PANK3: variants seen among roughly 807,000 people sequenced by gnomAD.
PANK3 encodes the protein hPanK3.
PANK3 carries 20 observed loss-of-function variants against 39.4 expected under a neutral mutation model. That is an observed-to-expected ratio of 0.51 (90% confidence interval 0.36 to 0.74). PANK3 has a LOEUF of 0.74. Among genes scored for constraint, PANK3 ranks in the 30% least tolerant of loss-of-function variants. PANK3 has a pLI of 0.00. For synonymous variants in PANK3, 140 were observed against 157.3 expected, an observed-to-expected ratio of 0.89 and a Z score of 0.82; for missense variants, 265 against 437.0, an observed-to-expected ratio of 0.61 and a Z score of 3.51.
chr5:168,562,361 A>G (rs1344055385), intron 4 of PANK3, among the ~76,000 whole-genome samples: 1 of 152,206 alleles, frequency 6.6e-6, no homozygotes, highest in Non-Finnish European at 1.5e-5. Context: ...GAGAAGAAAA[A>G]TCTTAGGCAG....
intron 1 of PANK3, among the ~76,000 whole-genome samples, chr5:168,577,222 T>C (rs1034911020): frequency 1.3e-5 from 2 of 152,118 alleles, no homozygotes; most frequent in East Asian, 1.9e-4. Flanking sequence ...AAATACCTTC[T>C]TTCCCACACA....
In PANK3 at chr5:168,568,703, C is replaced by T. The variant is rs759836686; in HGVS notation, c.324G>A (p.Gln108=). The T allele has an allele frequency of 5.0e-6, 8 of 1,614,110 alleles. No individual in the cohort carries two copies. In the South Asian group the frequency reaches 8.8e-5, roughly 18 times the overall value. The change falls in exon 2 of 7, where the codon CAG becomes CAA. Residue 108 remains glutamine, a synonymous_variant. Transcript: ENST00000239231. ...CACCTCCTGTAGCACATAGCACCGT[C>T]TGCAATGTTGAGAAGTTTTTATCTC... ...MGRDKNFSTL[Q]TVLCATGGGA...
chr5:168,564,190 T>G, intron 3 of PANK3, 125 bp from the exon 4 acceptor site: 1 of 804,914 alleles, frequency 1.2e-6, no homozygotes, highest in Non-Finnish European at 1.8e-6. Flanking sequence ...TAATGCTGAG[T>G]GCTGAAATAA....
intron 1 of PANK3, among the ~76,000 whole-genome samples, chr5:168,569,376 T>C (rs1366915027): frequency 6.6e-6 from 1 of 151,034 alleles, no homozygotes; most frequent in African/African-American, 2.4e-5. Context: ...GTATTTTTAG[T>C]AGAGACGGGG....
intron 2 of PANK3, 66 bp downstream of exon 2, chr5:168,568,580 G>A (rs1008035336): frequency 1.1e-5 from 13 of 1,194,354 alleles, no homozygotes; most frequent in Non-Finnish European, 1.4e-5. Context: ...GAACATGCTA[G>A]ATGGAAACCT....
chr5:168,563,691 A>T (rs201895942), intron 4 of PANK3, among the ~76,000 whole-genome samples, 198 bp downstream of exon 4: 1 of 148,838 alleles, frequency 6.7e-6, no homozygotes. Context: ...AAAAAAAAAA[A>T]GTTTCTTACA....
At chr5:168,571,541 CAA>C (rs1242005324) in intron 1 of PANK3, among the ~76,000 whole-genome samples, 1 of 152,066 alleles carries the variant, frequency 6.6e-6, no homozygotes, top group East Asian at 1.9e-4. Context: ...GACAGAGACT[CAA>C]AAAGAGTTTA....
chr5:168,578,160 G>A (rs1759757735), intron 1 of PANK3, among the ~76,000 whole-genome samples: 1 of 152,212 alleles, frequency 6.6e-6, no homozygotes, highest in South Asian at 2.1e-4. Context: ...GCACATGGTT[G>A]GTACATGCTT....
chr5:168,565,459 T>C (rs1037502941), intron 3 of PANK3, among the ~76,000 whole-genome samples: 1 of 152,132 alleles, frequency 6.6e-6, no homozygotes, highest in Non-Finnish European at 1.5e-5. Flanking sequence ...GGTTTACATA[T>C]ATTAATATCC....
chr5:168,561,316 A>G, intron 5 of PANK3, 77 bp downstream of exon 5: 1 of 1,322,748 alleles, frequency 7.6e-7, no homozygotes, highest in Non-Finnish European at 1.0e-6. Context: ...GGGAAAGTGA[A>G]GAAGCCCTGC....
intron 1 of PANK3, among the ~76,000 whole-genome samples, chr5:168,576,708 C>G (rs1229618443): frequency 6.6e-6 from 1 of 151,964 alleles, no homozygotes; most frequent in East Asian, 1.9e-4. Context: ...ACAGCTTCTT[C>G]TAGTATGCAG....
At chr5:168,568,617 AT>A (rs1327735383) in intron 2 of PANK3, 28 bp downstream of exon 2, 1 of 1,481,904 alleles carries the variant, frequency 6.7e-7, no homozygotes, top group Non-Finnish European at 9.3e-7. Context: ...ACAGGTATCA[AT>A]TTTCAGTTTT....
chr5:168,566,660 G>A (rs920608761), intron 2 of PANK3, among the ~76,000 whole-genome samples: 2 of 152,266 alleles, frequency 1.3e-5, no homozygotes, highest in East Asian at 3.9e-4. Flanking sequence ...TGAGGCTAGA[G>A]AATAACAAAG....
chr5:168,576,467 T>C (rs1186815802), intron 1 of PANK3, among the ~76,000 whole-genome samples: 2 of 152,224 alleles, frequency 1.3e-5, no homozygotes, highest in Admixed American at 6.5e-5. Context: ...TAACACAGGA[T>C]TGACTTTCTC....
intron 1 of PANK3, among the ~76,000 whole-genome samples, chr5:168,570,192 C>T (rs980533070): frequency 1.1e-4 from 17 of 152,020 alleles, no homozygotes; most frequent in African/African-American, 4.1e-4. Flanking sequence ...ACCTTCCTGG[C>T]TAACACAGCG....
rs1759576603 is a variant in PANK3, at chr5:168,568,905, T to A, written c.122A>T (p.Glu41Val). Residue 41 changes from glutamate to valine, a missense_variant, in exon 2 of 7, where the codon GAA (glutamate) becomes GTA (valine). Coordinates refer to ENST00000239231, the MANE Select transcript of PANK3 (RefSeq NM_024594.4). ...CCGAATACTTTTTAAACTCTCAACT[T>A]CTTCTTGCTCTTCCTCTGCTGTGAT... The part of the protein sequence containing the change: ...IDITAEEEQE[E>V]VESLKSIRKY... The A allele has an allele frequency of 6.2e-7, 1 of 1,612,962 alleles. No homozygotes were observed. The highest frequency in any genetic ancestry group is 8.5e-7 in the Non-Finnish European group (1 of 1,179,718).
At chr5:168,572,826 G>T (rs1252068817) in intron 1 of PANK3, among the ~76,000 whole-genome samples, 1 of 152,062 alleles carries the variant, frequency 6.6e-6, no homozygotes, top group Admixed American at 6.6e-5. Flanking sequence ...CTTTGGGGGT[G>T]GTATGGAGAG....
In PANK3 at chr5:168,569,007, GGAA is replaced by G; in HGVS notation, c.29-12_29-10del. 2.8e-5 allele frequency: 5 copies of G among 179,512 alleles called. No homozygotes were observed. Among genetic ancestry groups the G allele is most frequent in the African/African-American group, 1.8e-4 (2 of 10,890 alleles). The allele number at this position is 179,512 out of a possible 1,614,324, so 11.1% of individuals were successfully genotyped here. ...GCCAAACCATGGGAAAGCTATGGGA[GGAA>G]AAAAAAAAAAAAAAAAAAAAATATA... On this transcript the variant is annotated splice_polypyrimidine_tract_variant and intron_variant, in intron 1 of 6. Coordinates refer to ENST00000239231, the MANE Select transcript of PANK3 (RefSeq NM_024594.4).
At chr5:168,558,957 C>G in intron 6 of PANK3, 75 bp downstream of exon 6, 1 of 1,428,664 alleles carries the variant, frequency 7.0e-7, no homozygotes, top group Non-Finnish European at 9.5e-7. Flanking sequence ...AAACTCAAGC[C>G]TGAGTGACAG....
Sources: gnomAD v4.1 joint callset for allele counts (sites outside exome capture counted in the v4.1 genomes callset) on GRCh38, gnomAD v4.1.1 for gene constraint, MANE v1.5 for transcripts, NCBI Gene and HGNC (gene_info 2026-07-23, HGNC 2026-07-21) for gene names.